Variants in ATP8A2 observed in about 807,000 individuals in gnomAD.
ATP8A2 encodes phospholipid-transporting ATPase IB.
A neutral mutation model predicts 165.6 loss-of-function variants in ATP8A2; 100 were observed. The ratio of observed to expected loss-of-function variants is 0.60; its 90% CI spans 0.51 to 0.71. The LOEUF is 0.71. Ranked by LOEUF, ATP8A2 falls within the 30% of genes least tolerant of loss-of-function variation. The probability of loss-of-function intolerance (pLI) is 0.00; values close to 1 mark genes in which losing one functional copy is unlikely to be tolerated. For missense variants in ATP8A2, 1,227 were observed against 1,479.5 expected (o/e 0.83, Z 2.80); for synonymous variants, 543 against 548.8 (o/e 0.99, Z 0.15).
At chr13:25,534,411 T>G (rs1439358995) in intron 6 of ATP8A2, among the ~76,000 whole-genome samples, 1 of 152,178 alleles carries the variant, frequency 6.6e-6, no homozygotes, top group Non-Finnish European at 1.5e-5. Context: ...TGCCCCTCTA[T>G]TTCTCTAGGG....
In ATP8A2 at chr13:25,789,109, AG is replaced by A. The variant is rs2045102969; in HGVS notation, c.2679+14151del. ...GTGGTCCATGGTATTTCAAAATCAT[AG>A]ATATATAGATCTTTTAAATGACAAT... On this transcript the variant is annotated intron_variant, in intron 27 of 36. Coordinates refer to ENST00000381655, the MANE Select transcript of ATP8A2 (RefSeq NM_016529.6). Among the ~76,000 whole-genome samples, 8 of 152,332 alleles carry A rather than the reference AG, an allele frequency of 5.3e-5. No homozygotes were observed. The South Asian group carries it at 1.7e-3, about 32-fold the overall frequency.
chr13:26,008,546 G>A (rs922007379), intron 35 of ATP8A2, among the ~76,000 whole-genome samples: 4 of 152,190 alleles, frequency 2.6e-5, no homozygotes, highest in Non-Finnish European at 2.9e-5. Context: ...AGGAATCTCA[G>A]TGTTTTCTGT....
chr13:25,806,445 C>T (rs1950742619), intron 27 of ATP8A2, among the ~76,000 whole-genome samples: 1 of 151,990 alleles, frequency 6.6e-6, no homozygotes, highest in South Asian at 2.1e-4. Flanking sequence ...GCCCAAGTTT[C>T]TGAAAAACAG....
intron 2 of ATP8A2, among the ~76,000 whole-genome samples, chr13:25,481,362 C>T (rs1457367241): frequency 6.6e-6 from 1 of 152,234 alleles, no homozygotes; most frequent in African/African-American, 2.4e-5. Flanking sequence ...AGTGGTCTCT[C>T]AGAAGAGTCA....
At chr13:25,897,989 T>C (rs1953612269) in intron 33 of ATP8A2, among the ~76,000 whole-genome samples, 1 of 152,240 alleles carries the variant, frequency 6.6e-6, no homozygotes, top group Non-Finnish European at 1.5e-5. Flanking sequence ...AACTTCCTCC[T>C]TTAGCTCGGA....
At chr13:25,399,648 C>A (rs1185861449) in intron 1 of ATP8A2, among the ~76,000 whole-genome samples, 8 of 148,840 alleles carry the variant, frequency 5.4e-5, no homozygotes, top group Non-Finnish European at 1.2e-4. Context: ...GTGATCCGCC[C>A]GCCTCGGCCT....
intron 24 of ATP8A2, among the ~76,000 whole-genome samples, chr13:25,603,330 ATAC>A: frequency 6.6e-6 from 1 of 152,044 alleles, no homozygotes; most frequent in South Asian, 2.1e-4. Context: ...TCTACAAAAA[ATAC>A]AAAAAAAATT....
At chr13:25,832,002 C>T (rs936355548) in intron 28 of ATP8A2, among the ~76,000 whole-genome samples, 4 of 151,608 alleles carry the variant, frequency 2.6e-5, no homozygotes, top group Admixed American at 6.6e-5. Flanking sequence ...TGCAATGGCG[C>T]AATCTTGGCT....
chr13:25,890,985 A>C lies in ATP8A2; in HGVS notation c.3183+28577A>C, dbSNP rs117805473. Among the ~76,000 whole-genome samples the C allele has an allele frequency of 7.4e-4, 113 of 152,330 alleles. 1 individual carries two copies. The East Asian group carries it at 0.017, about 23-fold the overall frequency. On this transcript the variant is annotated intron_variant, in intron 33 of 36. Coordinates refer to ENST00000381655, the MANE Select transcript of ATP8A2 (RefSeq NM_016529.6). ...GGTCTGTGATGATAAAAGGGTACTCATGTTGTGCAGTGGACCACGAGTGCT... is the reference window on the plus strand; with the variant it reads ...GGTCTGTGATGATAAAAGGGTACTCCTGTTGTGCAGTGGACCACGAGTGCT...
chr13:25,534,628 C>A (rs1046469860), intron 6 of ATP8A2, among the ~76,000 whole-genome samples: 7 of 152,212 alleles, frequency 4.6e-5, no homozygotes, highest in African/African-American at 1.7e-4. Flanking sequence ...AGAAAAACAA[C>A]AATAACAAAG....
rs563027620 is a variant in ATP8A2, at chr13:25,452,758, C to T, written c.77-16219C>T. On this transcript the variant is annotated intron_variant, in intron 1 of 36. Transcript: ENST00000381655. ...GCAACTTTAAACTTTTGAAATTAAA[C>T]GTTTAATTTTTAAAAACTTAATAGG... is the stretch of plus-strand genomic sequence containing the variant. Among the ~76,000 whole-genome samples the T allele has an allele frequency of 8.6e-4, 131 of 152,152 alleles. 1 individual carries two copies. Among genetic ancestry groups the T allele is most frequent in the South Asian group, 1.0e-3 (5 of 4,816 alleles).
At chr13:25,589,343 T>G (rs1270081464) in intron 23 of ATP8A2, among the ~76,000 whole-genome samples, 1 of 152,174 alleles carries the variant, frequency 6.6e-6, no homozygotes. Context: ...ACTGTTACTT[T>G]AGACGATCCA....
At chr13:25,539,997 G>A (rs1454482444) in intron 7 of ATP8A2, among the ~76,000 whole-genome samples, 1 of 152,176 alleles carries the variant, frequency 6.6e-6, no homozygotes, top group Admixed American at 6.5e-5. Flanking sequence ...CCTGAACCCA[G>A]TGGTTGGGTC....
intron 1 of ATP8A2, among the ~76,000 whole-genome samples, chr13:25,416,755 T>A (rs1260592632): frequency 6.6e-6 from 1 of 152,244 alleles, no homozygotes; most frequent in Non-Finnish European, 1.5e-5. Context: ...TTGTCAATAC[T>A]ACTTCCAGAA....
At chr13:25,567,036 A>C (rs531487107) in intron 16 of ATP8A2, 449 of 259,336 alleles carry the variant, frequency 1.7e-3, no homozygotes, top group Non-Finnish European at 2.9e-3. Flanking sequence ...GATGCCATAG[A>C]AACCCAGTGG....
intron 24 of ATP8A2, among the ~76,000 whole-genome samples, chr13:25,626,162 C>T (rs1012384686): frequency 5.9e-5 from 9 of 152,132 alleles, no homozygotes; most frequent in Non-Finnish European, 8.8e-5. Flanking sequence ...TGGGAATACA[C>T]GATTAGAAAG....
intron 1 of ATP8A2, among the ~76,000 whole-genome samples, chr13:25,408,421 G>C (rs2033872362): frequency 6.6e-6 from 1 of 151,634 alleles, no homozygotes; most frequent in African/African-American, 2.4e-5. Flanking sequence ...CAGGATCCCA[G>C]GTGAGTTAGC....
chr13:25,469,085 A>G lies in ATP8A2; in HGVS notation c.185A>G (p.Gln62Arg), dbSNP rs2035761571. 1 of 1,613,870 alleles carries G rather than the reference A, an allele frequency of 6.2e-7. No homozygotes were observed. The highest frequency in any genetic ancestry group is 1.7e-5 in the Admixed American group (1 of 60,000). The change falls in exon 2 of 37, where the codon CAA (glutamine) becomes CGA (arginine). Residue 62 changes from glutamine (Q) to arginine (R), a missense_variant. This residue lies in a region of ATP8A2 where 356 missense variants were observed against 394.9 expected (regional missense o/e 0.90). Coordinates refer to ENST00000381655, the MANE Select transcript of ATP8A2 (RefSeq NM_016529.6). ...CCCGCCCGCACCATTTACCTCAACC[A>G]ACCGCATCTCAACAAATTCCGCGAC... ...EAPARTIYLN[Q>R]PHLNKFRDNQ...
In ATP8A2 at chr13:25,575,127, A is replaced by G. The variant is rs545504148; in HGVS notation, c.1712+270A>G. Among the ~76,000 whole-genome samples the G allele has an allele frequency of 1.5e-3, 236 of 152,276 alleles. 1 individual carries two copies. Among genetic ancestry groups the G allele is most frequent in the Non-Finnish European group, 2.8e-3 (189 of 68,024 alleles). On this transcript the variant is annotated intron_variant, in intron 19 of 36. Coordinates refer to ENST00000381655, the MANE Select transcript of ATP8A2 (RefSeq NM_016529.6). Reference sequence around the variant, plus strand: ...GATTTCCAGAGCCTGATGTTCTTGCATCAGCAGCTGCAGACATGTCTGAAT... The same window carrying G: ...GATTTCCAGAGCCTGATGTTCTTGCGTCAGCAGCTGCAGACATGTCTGAAT...
Sources: gnomAD v4.1 joint callset for allele counts (sites outside exome capture counted in the v4.1 genomes callset) on GRCh38, gnomAD v4.1.1 for gene constraint, gnomAD v4.1.1 regional missense constraint, MANE v1.5 for transcripts, NCBI Gene and HGNC (gene_info 2026-07-23, HGNC 2026-07-21) for gene names.